Variants in PTPRZ1 observed in about 807,000 individuals in gnomAD.
PTPRZ1 encodes receptor-type tyrosine-protein phosphatase zeta.
A neutral mutation model predicts 214.1 loss-of-function variants in PTPRZ1; 82 were observed. The ratio of observed to expected loss-of-function variants is 0.38; its 90% CI spans 0.32 to 0.46. PTPRZ1 has a LOEUF of 0.46. PTPRZ1 is among the 20% of genes least tolerant of loss of function. The pLI is 1.00. For missense variants in PTPRZ1, 2,603 were observed against 2,748.7 expected (o/e 0.95, Z 1.19); for synonymous variants, 945 against 987.9 (o/e 0.96, Z 0.81).
chr7:122,013,135 T>C lies in PTPRZ1; in HGVS notation c.4089T>C (p.Thr1363=). ...TTGCTTCTGATACATTTGTATCTAC[T>C]GATCATTCTGTTCCTATAGGAAATG... ...PTVASDTFVS[T]DHSVPIGNGH... Residue 1363 remains threonine, a synonymous_variant, in exon 12 of 30, where the codon ACT becomes ACC. Coordinates refer to ENST00000393386, the MANE Select transcript of PTPRZ1 (RefSeq NM_002851.3). 1 of 1,614,054 alleles carries C rather than the reference T, an allele frequency of 6.2e-7. No individual in the cohort carries two copies. Among genetic ancestry groups the C allele is most frequent in the Non-Finnish European group, 8.5e-7 (1 of 1,179,864 alleles).
intron 1 of PTPRZ1, among the ~76,000 whole-genome samples, chr7:121,904,235 A>G (rs1219401564): frequency 6.6e-6 from 1 of 152,132 alleles, no homozygotes; most frequent in Non-Finnish European, 1.5e-5. Context: ...ATGGGGAGAC[A>G]AGGGAGATTG....
chr7:121,939,809 G>A (rs148804615), intron 2 of PTPRZ1, among the ~76,000 whole-genome samples: 45 of 152,134 alleles, frequency 3.0e-4, no homozygotes, highest in Non-Finnish European at 5.7e-4. Flanking sequence ...GTGATTAAGC[G>A]TGATTTTTTT....
At chr7:122,039,359 T>G in intron 19 of PTPRZ1, 95 bp from the exon 20 acceptor site, 1 of 1,347,402 alleles carries the variant, frequency 7.4e-7, no homozygotes, top group African/African-American at 1.5e-5. Context: ...AGGAGTCCAT[T>G]CCTGTCACCA....
intron 23 of PTPRZ1, among the ~76,000 whole-genome samples, chr7:122,045,930 A>T (rs1349629486): frequency 2.0e-5 from 3 of 151,772 alleles, no homozygotes; most frequent in Non-Finnish European, 4.4e-5. Context: ...GTACCATCCC[A>T]TAAAAAGATA....
rs1490938929 is a variant in PTPRZ1, at chr7:121,963,614, T to A, written c.125-4337T>A. On this transcript the variant is annotated intron_variant, in intron 2 of 29. Transcript: ENST00000393386. ...AGCATCTTAAAACTCCACCCAGGGG[T>A]GTGGTTTTTACTATTATAATGAGCA... Among the ~76,000 whole-genome samples the A allele has an allele frequency of 2.0e-5, 3 of 152,042 alleles. No individual in the cohort carries two copies. The East Asian group carries it at 5.8e-4, about 29-fold the overall frequency.
intron 1 of PTPRZ1, among the ~76,000 whole-genome samples, chr7:121,921,575 C>T (rs1795597938): frequency 6.6e-6 from 1 of 152,070 alleles, no homozygotes; most frequent in South Asian, 2.1e-4. Flanking sequence ...AAGAGGTTAC[C>T]TGGACTCTTA....
intron 2 of PTPRZ1, among the ~76,000 whole-genome samples, chr7:121,938,377 G>A (rs1359901856): frequency 5.3e-5 from 8 of 152,214 alleles, no homozygotes; most frequent in African/African-American, 1.9e-4. Context: ...CAGCAACTTT[G>A]TCACACATGG....
intron 27 of PTPRZ1, among the ~76,000 whole-genome samples, chr7:122,057,725 C>A (rs574509822): frequency 1.3e-4 from 17 of 129,286 alleles, no homozygotes; most frequent in South Asian, 2.4e-4. Context: ...TCTTTTTATT[C>A]CTGGCCTTTA....
At chr7:121,942,539 C>T (rs941313094) in intron 2 of PTPRZ1, among the ~76,000 whole-genome samples, 2 of 152,104 alleles carry the variant, frequency 1.3e-5, no homozygotes. Flanking sequence ...AGGTAAATTG[C>T]AATAACTGTT....
At chr7:121,963,102 G>A (rs1051132918) in intron 2 of PTPRZ1, among the ~76,000 whole-genome samples, 1 of 152,080 alleles carries the variant, frequency 6.6e-6, no homozygotes, top group African/African-American at 2.4e-5. Context: ...AGCATGTTGA[G>A]CCCACAAGGT....
intron 1 of PTPRZ1, among the ~76,000 whole-genome samples, chr7:121,877,213 G>A (rs1794088881): frequency 6.6e-6 from 1 of 152,074 alleles, no homozygotes; most frequent in African/African-American, 2.4e-5. Flanking sequence ...ACAAATGAGG[G>A]AACCCGGCAC....
chr7:122,049,453 A>G (rs576381001), intron 23 of PTPRZ1, among the ~76,000 whole-genome samples: 1 of 152,226 alleles, frequency 6.6e-6, no homozygotes, highest in African/African-American at 2.4e-5. Context: ...AGAGTTTAAT[A>G]AACATACATA....
chr7:122,032,534 A>G (rs897870272), intron 15 of PTPRZ1, among the ~76,000 whole-genome samples: 2 of 152,054 alleles, frequency 1.3e-5, no homozygotes, highest in Non-Finnish European at 2.9e-5. Flanking sequence ...CCCTAACCCC[A>G]GTGGCTCTGC....
At chr7:121,921,154 TAACTC>T (rs1159047713) in intron 1 of PTPRZ1, among the ~76,000 whole-genome samples, 2 of 134,758 alleles carry the variant, frequency 1.5e-5, no homozygotes, top group Non-Finnish European at 3.5e-5. Flanking sequence ...TAACAAAAAA[TAACTC>T]AACTTTAGAA....
At chr7:121,921,593 T>C (rs764026029) in intron 1 of PTPRZ1, among the ~76,000 whole-genome samples, 25 of 152,156 alleles carry the variant, frequency 1.6e-4, no homozygotes, top group Admixed American at 4.6e-4. Context: ...TTATAACTCA[T>C]ATTTTTCCAG....
Position 122,061,301 on chromosome 7 carries a change from G to C in PTPRZ1, c.*81G>C. On this transcript the variant is annotated 3_prime_UTR_variant, in exon 30 of 30. Transcript: ENST00000393386. ...TAGGCAGGAAAATCAGTCTAGTTCT[G>C]TTATCTGTTGATTTCCCATCACCTG... is the stretch of plus-strand genomic sequence containing the variant. 7.7e-7 allele frequency: 1 copy of C among 1,295,498 alleles called. No individual in the cohort carries two copies. The highest frequency in any genetic ancestry group is 1.0e-6 in the Non-Finnish European group (1 of 980,628). The allele number at this position is 1,295,498 out of a possible 1,614,324, so 80.3% of individuals were successfully genotyped here.
At chr7:121,889,942 C>T (rs544557316) in intron 1 of PTPRZ1, among the ~76,000 whole-genome samples, 75 of 152,284 alleles carry the variant, frequency 4.9e-4, no homozygotes, top group South Asian at 1.0e-3. Context: ...CCTGCCATCT[C>T]ACTAGCCACA....
Position 122,034,328 on chromosome 7 carries a change from C to G in PTPRZ1, c.5234C>G (p.Ser1745Cys). 6.2e-7 allele frequency: 1 copy of G among 1,613,390 alleles called. No individual in the cohort carries two copies. The highest frequency in any genetic ancestry group is 8.5e-7 in the Non-Finnish European group (1 of 1,179,632). Residue 1745 changes from serine to cysteine, a missense_variant, in exon 17 of 30, where the codon TCC (serine) becomes TGC (cysteine). By Grantham distance (112) the Ser-to-Cys change is moderately radical. Transcript: ENST00000393386. ...GACTTAGGTATTACAGCAGACAGCTCCAACCACCCAGACAACAAGCACAAG... is the reference window on the plus strand; with the variant it reads ...GACTTAGGTATTACAGCAGACAGCTGCAACCACCCAGACAACAAGCACAAG... ...TVDLGITADS[S>C]NHPDNKHKNR...
chr7:121,920,815 A>G (rs1795575944), intron 1 of PTPRZ1, among the ~76,000 whole-genome samples: 2 of 152,162 alleles, frequency 1.3e-5, no homozygotes, highest in Admixed American at 6.6e-5. Flanking sequence ...TTTAGCACCC[A>G]AAAAGTAGAG....
Sources: allele counts gnomAD v4.1 joint callset (sites outside exome capture counted in the v4.1 genomes callset), GRCh38; gene constraint gnomAD v4.1.1; transcripts MANE v1.5; gene names NCBI Gene and HGNC (gene_info 2026-07-23, HGNC 2026-07-21).